Variants in TRIM2 observed in about 807,000 individuals in gnomAD.
The protein encoded by TRIM2 is tripartite motif-containing protein 2.
Under a neutral mutation model 75.2 loss-of-function variants are expected in TRIM2, and 20 were observed. The ratio of observed to expected loss-of-function variants is 0.27; its 90% confidence interval spans 0.19 to 0.39. TRIM2 has a LOEUF of 0.39. TRIM2 is among the 10% of genes least tolerant of loss of function. The pLI, the probability that TRIM2 is intolerant of heterozygous loss-of-function variation, is 1.00. For missense variants in TRIM2, 660 were observed against 990.8 expected (o/e 0.67, Z 4.48); for synonymous variants, 373 against 388.3 (o/e 0.96, Z 0.46).
At chr4:153,242,782 G>A (rs1250121653) in intron 1 of TRIM2, among the ~76,000 whole-genome samples, 1 of 152,240 alleles carries the variant, frequency 6.6e-6, no homozygotes, top group African/African-American at 2.4e-5. Flanking sequence ...GGCACTCGGA[G>A]TTAGGCCTGA....
chr4:153,332,188 A>C (rs976244072), intron 11 of TRIM2, among the ~76,000 whole-genome samples: 4 of 152,206 alleles, frequency 2.6e-5, no homozygotes, highest in African/African-American at 4.8e-5. Flanking sequence ...AAAAAATAAA[A>C]GGTTTTGCTC....
At chr4:153,272,926 G>A (rs1253195740) in intron 2 of TRIM2, among the ~76,000 whole-genome samples, 4 of 151,966 alleles carry the variant, frequency 2.6e-5, no homozygotes, top group African/African-American at 7.3e-5. Context: ...CGCAACTTCC[G>A]CCTCCTGGGT....
At chr4:153,222,313 G>A (rs1740812960) in intron 1 of TRIM2, 1 of 152,062 alleles carries the variant, frequency 6.6e-6, no homozygotes, top group Non-Finnish European at 1.5e-5. Flanking sequence ...GCCCCGTCAA[G>A]CTGAACTCAC....
intron 1 of TRIM2, among the ~76,000 whole-genome samples, chr4:153,260,099 G>T (rs1466233382): frequency 6.6e-6 from 1 of 152,136 alleles, no homozygotes; most frequent in African/African-American, 2.4e-5. Flanking sequence ...ATTATGTAGA[G>T]CTGTGTCTCT....
chr4:153,241,488 C>T (rs776409424), intron 1 of TRIM2, among the ~76,000 whole-genome samples: 15 of 152,148 alleles, frequency 9.9e-5, no homozygotes, highest in Non-Finnish European at 1.9e-4. Flanking sequence ...GTGACAACTG[C>T]CATGAAGGAT....
chr4:153,236,957 G>C (rs1453677353), intron 1 of TRIM2, among the ~76,000 whole-genome samples: 1 of 152,154 alleles, frequency 6.6e-6, no homozygotes, highest in Non-Finnish European at 1.5e-5. Context: ...GCCTCCCAAA[G>C]TGCTCATGTA....
intron 1 of TRIM2, among the ~76,000 whole-genome samples, chr4:153,184,411 G>C (rs1165799047): frequency 2.0e-5 from 3 of 152,088 alleles, no homozygotes. Flanking sequence ...GTCAAACCAG[G>C]GTCCAGCCTT....
At chr4:153,321,979 A>G (rs535037651) in intron 8 of TRIM2, among the ~76,000 whole-genome samples, 175 of 152,332 alleles carry the variant, frequency 1.1e-3, no homozygotes, top group African/African-American at 4.1e-3. Context: ...TGTTTAAAGC[A>G]AGCAATGGAA....
At chr4:153,217,502 A>G (rs1042911640) in intron 1 of TRIM2, among the ~76,000 whole-genome samples, 10 of 152,212 alleles carry the variant, frequency 6.6e-5, no homozygotes. Flanking sequence ...ATTGCTGTGA[A>G]GTTTAATTTT....
In TRIM2 at chr4:153,265,501, G is replaced by A. The variant is rs754334083; in HGVS notation, c.31-4834G>A. On this transcript the variant is annotated intron_variant, in intron 1 of 11. Coordinates refer to ENST00000338700, the MANE Select transcript of TRIM2 (RefSeq NM_015271.5). ...TGGGGCTACAGGCGCCTGCCGCCAC[G>A]CCTGACTAATTTTTTGTATTTTTAG... 1.5e-3 allele frequency among the ~76,000 whole-genome samples: 234 copies of A among 151,898 alleles called. 7 individuals are homozygous for A. Among genetic ancestry groups the A allele is most frequent in the Non-Finnish European group, 3.4e-4 (23 of 67,980 alleles).
At position 153,295,405 on chromosome 4, in the gene TRIM2, G is replaced by A. The variant is rs115191942; in HGVS notation, c.879G>A (p.Thr293=). 4.1e-5 allele frequency: 66 copies of A among 1,614,124 alleles called. No homozygotes were observed. The East Asian group carries it at 7.1e-4, about 17-fold the overall frequency. Residue 293 remains threonine (T), a synonymous_variant, in exon 6 of 12, where the codon ACG becomes ACA. Coordinates refer to ENST00000338700, the MANE Select transcript of TRIM2 (RefSeq NM_015271.5). The surrounding 1 kb of genome is among the most constrained non-coding windows in gnomAD (Gnocchi z 7.2). The part of the protein sequence containing the change: ...NFTAQALNHG[T]ETEVLLVKKQ... The stretch of plus-strand genomic sequence containing the variant: ...CAGCGCAGGCCCTCAACCATGGCAC[G>A]GAGACCGAGGTCCTACTGGTGAAGA...
At chr4:153,196,992 T>C (rs1018967928) in intron 1 of TRIM2, among the ~76,000 whole-genome samples, 1 of 152,340 alleles carries the variant, frequency 6.6e-6, no homozygotes, top group South Asian at 2.1e-4. Flanking sequence ...ATTGGTCATA[T>C]GCAGACCGAG....
At chr4:153,177,590 G>A (rs1731575868) in intron 1 of TRIM2, among the ~76,000 whole-genome samples, 1 of 151,706 alleles carries the variant, frequency 6.6e-6, no homozygotes, top group Non-Finnish European at 1.5e-5. Flanking sequence ...AGGCTGCAGT[G>A]AACTGAGATC....
In TRIM2 at chr4:153,336,615, C is replaced by T. The variant is rs560331795; in HGVS notation, c.*1649C>T. The T allele has an allele frequency of 1.1e-5, 11 of 985,668 alleles. No homozygotes were observed. The South Asian group carries it at 3.8e-4, about 34-fold the overall frequency. 61.1% of individuals were successfully genotyped at this position (985,668 alleles called of 1,614,324 possible). On this transcript the variant is annotated 3_prime_UTR_variant, in exon 12 of 12. Transcript: ENST00000338700. The stretch of plus-strand genomic sequence containing the variant: ...TTTGGGGTCTTCTTCACTGAAAGCA[C>T]CTTAGAACTGTACTATAAGAAAACA...
At chr4:153,333,922 C>G (rs1363677153) in intron 11 of TRIM2, among the ~76,000 whole-genome samples, 5 of 152,112 alleles carry the variant, frequency 3.3e-5, no homozygotes, top group Admixed American at 3.3e-4. Context: ...TGGTATCAGT[C>G]TCCTGGGATA....
intron 6 of TRIM2, among the ~76,000 whole-genome samples, chr4:153,314,608 A>T (rs928987843): frequency 4.0e-5 from 6 of 149,710 alleles, no homozygotes; most frequent in African/African-American, 1.5e-4. Context: ...TCAAAAAAAG[A>T]ATCTAGTATG....
At chr4:153,236,618 GT>G in intron 1 of TRIM2, among the ~76,000 whole-genome samples, 1 of 151,782 alleles carries the variant, frequency 6.6e-6, no homozygotes, top group Non-Finnish European at 1.5e-5. Context: ...TTACATACTT[GT>G]TTTTTTATGG....
At chr4:153,177,751 TTCTTTCCC>T (rs920642062) in intron 1 of TRIM2, among the ~76,000 whole-genome samples, 5 of 150,510 alleles carry the variant, frequency 3.3e-5, no homozygotes, top group Non-Finnish European at 5.9e-5. Context: ...CCTTCCTTCC[TTCTTTCCC>T]TCCCATCCTC....
rs199757632 is a variant in TRIM2, at chr4:153,321,696, C to T, written c.1783-952C>T. Among the ~76,000 whole-genome samples, 19 of 152,224 alleles carry T rather than the reference C, an allele frequency of 1.2e-4. No individual in the cohort carries two copies. The East Asian group carries it at 3.5e-3, about 28-fold the overall frequency. ...TGGTGAATAAAACAGATGTGACTCC[C>T]GCCCAAGGAGAACTTAATTCTCGTA... On this transcript the variant is annotated intron_variant, in intron 8 of 11. Transcript: ENST00000338700.
Sources: gnomAD v4.1 joint callset for allele counts (sites outside exome capture counted in the v4.1 genomes callset) on GRCh38, gnomAD v4.1.1 for gene constraint, Gnocchi (gnomAD v3.1) non-coding constraint, MANE v1.5 for transcripts, NCBI Gene and HGNC (gene_info 2026-07-23, HGNC 2026-07-21) for gene names.